Variants in SEM1 observed in about 807,000 individuals in gnomAD.
SEM1 encodes the protein SEM1 26S proteasome subunit, also known as 26S proteasome complex subunit SEM1.
Under a neutral mutation model 12.7 loss-of-function variants are expected in SEM1, and 3 were observed. The observed-to-expected ratio is 0.24, with a 90% confidence interval of 0.11 to 0.61. SEM1 has a LOEUF of 0.61. Among genes scored for constraint, SEM1 ranks in the 20% least tolerant of loss-of-function variants. The pLI is 0.88. For synonymous variants in SEM1, 30 were observed against 27.8 expected (o/e 1.08, Z -0.25); for missense variants, 59 against 81.3 (o/e 0.73, Z 1.06).
At chr7:96,552,985 A>T (rs1805338219) in intron 2 of SEM1, among the ~76,000 whole-genome samples, 1 of 151,544 alleles carries the variant, frequency 6.6e-6, no homozygotes, top group African/African-American at 2.4e-5. Flanking sequence ...TGGCTGCATA[A>T]ATGTCTTCTT....
intron 2 of SEM1, among the ~76,000 whole-genome samples, chr7:96,676,548 A>G (rs530757375): frequency 6.6e-6 from 1 of 152,344 alleles, no homozygotes; most frequent in South Asian, 2.1e-4. Context: ...ATTCATTAAC[A>G]ATGAAAGAAA....
chr7:96,543,518 AT>A (rs1262089378), intron 2 of SEM1, among the ~76,000 whole-genome samples: 2 of 151,896 alleles, frequency 1.3e-5, no homozygotes, highest in Non-Finnish European at 2.9e-5. Flanking sequence ...ATAAATATAT[AT>A]TTTTTAACAA....
intron 2 of SEM1, among the ~76,000 whole-genome samples, chr7:96,639,036 T>A (rs1417955033): frequency 6.6e-6 from 1 of 151,988 alleles, no homozygotes; most frequent in Non-Finnish European, 1.5e-5. Context: ...GATCTTAGGA[T>A]ACCACCTGAC....
chr7:96,618,188 T>A (rs189980253), downstream of SEM1, among the ~76,000 whole-genome samples: 8 of 152,340 alleles, frequency 5.3e-5, no homozygotes, highest in East Asian at 1.9e-4. Flanking sequence ...ACTTTTTTAT[T>A]ACTGATTCAA....
At chr7:96,585,457 G>GAGGC (rs373465166) in intron 2 of SEM1, among the ~76,000 whole-genome samples, 1 of 151,948 alleles carries the variant, frequency 6.6e-6, no homozygotes, top group Non-Finnish European at 1.5e-5. Flanking sequence ...GGAGCCTACA[G>GAGGC]AGGCAGGCAG....
At chr7:96,708,499 T>G (rs1034067500) in intron 1 of SEM1, among the ~76,000 whole-genome samples, 10 of 152,242 alleles carry the variant, frequency 6.6e-5, no homozygotes, top group Non-Finnish European at 1.5e-4. Flanking sequence ...CAACAGGATG[T>G]GTACCCCATT....
intron 2 of SEM1, among the ~76,000 whole-genome samples, chr7:96,689,487 G>A (rs1002227167): frequency 1.3e-5 from 2 of 152,100 alleles, no homozygotes; most frequent in African/African-American, 4.8e-5. Flanking sequence ...ACAATTCAAA[G>A]TTTATGACAA....
chr7:96,524,028 C>G (rs1804367381), intron 2 of SEM1, among the ~76,000 whole-genome samples: 1 of 152,100 alleles, frequency 6.6e-6, no homozygotes. Flanking sequence ...CTCTTCTTCC[C>G]TAACCTGGAG....
intron 2 of SEM1, among the ~76,000 whole-genome samples, chr7:96,576,971 G>A (rs112690422): frequency 0.18 from 27,783 of 151,958 alleles, 2,622 homozygotes; most frequent in African/African-American, 0.22. Context: ...TACAAAATTA[G>A]CCAGGCGTGG....
intron 2 of SEM1, among the ~76,000 whole-genome samples, chr7:96,605,595 T>G (rs1230538601): frequency 6.6e-6 from 1 of 152,190 alleles, no homozygotes; most frequent in Non-Finnish European, 1.5e-5. Context: ...TTCATCTGTT[T>G]CCAGAATCTG....
chr7:96,555,679 G>A (rs562413421), intron 2 of SEM1, among the ~76,000 whole-genome samples: 5,127 of 143,610 alleles, frequency 0.036, 292 homozygotes, highest in African/African-American at 0.13. Context: ...GATTTGGGGT[G>A]GAGAGTTCTG....
chr7:96,585,688 C>T (rs993293214), intron 2 of SEM1, among the ~76,000 whole-genome samples: 37 of 152,292 alleles, frequency 2.4e-4, no homozygotes, highest in Non-Finnish European at 4.3e-4. Flanking sequence ...TTTTTAAGCC[C>T]GTCGGAAAAG....
At chr7:96,658,643 C>T (rs573187834) in intron 2 of SEM1, among the ~76,000 whole-genome samples, 3 of 152,276 alleles carry the variant, frequency 2.0e-5, no homozygotes, top group East Asian at 3.9e-4. Context: ...TGTCTGTGCA[C>T]AACTATTGTT....
In SEM1 at chr7:96,647,170, A is replaced by G. The variant is rs557846703; in HGVS notation, c.171-24527T>C. ...TTACTTATGAACTAAACGGTATTCT[A>G]CTAGGGAGGTGAGGTATAGCACTGC... On this transcript the variant is annotated intron_variant, in intron 2 of 2. Transcript: ENST00000417009. 2.6e-5 allele frequency among the ~76,000 whole-genome samples: 4 copies of G among 152,246 alleles called. No homozygotes were observed. The East Asian group carries it at 5.8e-4, about 22-fold the overall frequency.
intron 2 of SEM1, among the ~76,000 whole-genome samples, chr7:96,678,507 T>C (rs1430057436): frequency 6.6e-6 from 1 of 152,178 alleles, no homozygotes; most frequent in African/African-American, 2.4e-5. Flanking sequence ...TCTAGATCAC[T>C]GTTATCAAAC....
chr7:96,502,925 G>C (rs2117271631), intron 3 of SEM1, among the ~76,000 whole-genome samples: 1 of 152,284 alleles, frequency 6.6e-6, no homozygotes, highest in Non-Finnish European at 1.5e-5. Flanking sequence ...TCTGAGAAAT[G>C]GCTTGGATCT....
intron 2 of SEM1, among the ~76,000 whole-genome samples, chr7:96,570,963 CTTT>C (rs200108908): frequency 7.0e-6 from 1 of 143,510 alleles, no homozygotes; most frequent in Non-Finnish European, 1.5e-5. Flanking sequence ...TGATGATGAG[CTTT>C]TTTTTTTTTT....
chr7:96,632,857 C>T (rs552941432), intron 2 of SEM1, among the ~76,000 whole-genome samples: 129 of 145,708 alleles, frequency 8.9e-4, no homozygotes, highest in African/African-American at 3.1e-3. Context: ...TCGGTGGAGA[C>T]TTCTATTCTG....
downstream of SEM1, among the ~76,000 whole-genome samples, chr7:96,670,480 T>C (rs556277110): frequency 6.6e-6 from 1 of 152,204 alleles, no homozygotes; most frequent in Non-Finnish European, 1.5e-5. Context: ...TCAGGTTTAT[T>C]GACAGATGGC....
Sources: allele counts gnomAD v4.1 joint callset (sites outside exome capture counted in the v4.1 genomes callset), GRCh38; gene constraint gnomAD v4.1.1; transcripts MANE v1.5; gene names NCBI Gene and HGNC (gene_info 2026-07-23, HGNC 2026-07-21).